The following INPP4B variants were observed in gnomAD, a reference collection of about 807,000 sequenced individuals.
INPP4B encodes inositol polyphosphate 4-phosphatase type II.
A neutral mutation model predicts 122.5 loss-of-function variants in INPP4B; 55 were observed. The ratio of observed to expected loss-of-function variants is 0.45; its 90% CI spans 0.36 to 0.56. The LOEUF is 0.56. Ranked by LOEUF, INPP4B falls within the 20% of genes least tolerant of loss-of-function variation. INPP4B has a pLI of 0.00. For synonymous variants in INPP4B, 403 were observed against 388.7 expected (o/e 1.04, Z -0.43); for missense variants, 1,000 against 1,097.7 (o/e 0.91, Z 1.26).
chr4:142,644,209 AT>A (rs1019235427), intron 2 of INPP4B, among the ~76,000 whole-genome samples: 9 of 150,908 alleles, frequency 6.0e-5, no homozygotes, highest in African/African-American at 1.2e-4. Context: ...CAAAAAAAAA[AT>A]AAAATAAAAT....
At chr4:142,785,890 C>A (rs1468316435) in intron 1 of INPP4B, among the ~76,000 whole-genome samples, 2 of 151,924 alleles carry the variant, frequency 1.3e-5, no homozygotes, top group African/African-American at 4.8e-5. Context: ...CAAAATAAAA[C>A]CAAAGACAGA....
At chr4:142,138,535 A>C (rs545598230) in intron 18 of INPP4B, among the ~76,000 whole-genome samples, 48 of 152,168 alleles carry the variant, frequency 3.2e-4, no homozygotes, top group African/African-American at 9.2e-4. Flanking sequence ...TTAGAGTATA[A>C]TAATAATAAA....
intron 2 of INPP4B, among the ~76,000 whole-genome samples, chr4:142,578,741 G>C (rs1734381673): frequency 6.6e-6 from 1 of 151,804 alleles, no homozygotes; most frequent in African/African-American, 2.4e-5. Flanking sequence ...ATATGAATGG[G>C]GGGACATATT....
intron 22 of INPP4B, among the ~76,000 whole-genome samples, chr4:142,109,905 T>A (rs142500445): frequency 1.3e-5 from 2 of 152,102 alleles, no homozygotes; most frequent in African/African-American, 2.4e-5. Flanking sequence ...TGGTATAAAC[T>A]CAGTGTTCAG....
chr4:142,192,572 A>G (rs1836473475), intron 15 of INPP4B, among the ~76,000 whole-genome samples: 2 of 152,110 alleles, frequency 1.3e-5, no homozygotes, highest in Admixed American at 1.3e-4. Context: ...GGGAAAGAGT[A>G]TATCAAAATT....
chr4:142,593,109 A>ATT (rs1560840485), intron 2 of INPP4B, among the ~76,000 whole-genome samples: 57 of 150,806 alleles, frequency 3.8e-4, no homozygotes, highest in African/African-American at 1.4e-3. Context: ...GTTTTTAAAA[A>ATT]AAAAAAAAAA....
intron 1 of INPP4B, among the ~76,000 whole-genome samples, chr4:142,779,569 TG>T (rs1271240811): frequency 6.6e-6 from 1 of 152,078 alleles, no homozygotes; most frequent in Non-Finnish European, 1.5e-5. Context: ...TGTACCAACA[TG>T]GTACACTGAG....
chr4:142,310,731 C>T (rs1765224965), intron 8 of INPP4B, among the ~76,000 whole-genome samples: 1 of 150,154 alleles, frequency 6.7e-6, no homozygotes, highest in African/African-American at 2.5e-5. Flanking sequence ...ATTTCCTACC[C>T]CATAGGAAGA....
intron 25 of INPP4B, among the ~76,000 whole-genome samples, chr4:142,064,249 A>T (rs1389556800): frequency 6.6e-6 from 1 of 152,236 alleles, no homozygotes; most frequent in Non-Finnish European, 1.5e-5. Context: ...CAGGAACCAC[A>T]TGATACATTA....
chr4:142,741,138 G>T (rs1205204250), intron 1 of INPP4B, among the ~76,000 whole-genome samples: 2 of 151,960 alleles, frequency 1.3e-5, no homozygotes, highest in Non-Finnish European at 1.5e-5. Flanking sequence ...AAATGTATTA[G>T]GCCATTCTTG....
At chr4:142,470,070 AT>A (rs1472838908) in intron 2 of INPP4B, among the ~76,000 whole-genome samples, 4 of 152,120 alleles carry the variant, frequency 2.6e-5, no homozygotes, top group Admixed American at 6.5e-5. Context: ...GGAATTGATA[AT>A]TTTCACACTT....
intron 2 of INPP4B, among the ~76,000 whole-genome samples, chr4:142,537,457 G>T (rs1187635839): frequency 8.4e-6 from 1 of 119,358 alleles, no homozygotes; most frequent in Non-Finnish European, 1.7e-5. Context: ...GAGAGAGAGA[G>T]AGAGAGAGAG....
intron 2 of INPP4B, among the ~76,000 whole-genome samples, chr4:142,609,307 A>G (rs1054790508): frequency 2.6e-5 from 4 of 152,050 alleles, no homozygotes; most frequent in Non-Finnish European, 5.9e-5. Flanking sequence ...GTTGCCTACT[A>G]ATTGCTGAGA....
intron 8 of INPP4B, chr4:142,306,086 T>C: frequency 4.1e-6 from 1 of 244,474 alleles, no homozygotes; most frequent in Non-Finnish European, 6.6e-6. Flanking sequence ...GACAATTTCA[T>C]TCTAATACAC....
At chr4:142,224,935 G>A (rs866603554) in intron 12 of INPP4B, among the ~76,000 whole-genome samples, 2 of 152,232 alleles carry the variant, frequency 1.3e-5, no homozygotes, top group Non-Finnish European at 1.5e-5. Context: ...AAACTCGACT[G>A]TGTTTTTTAT....
At chr4:142,403,280 G>T (rs1019200704) in intron 6 of INPP4B, among the ~76,000 whole-genome samples, 3 of 152,202 alleles carry the variant, frequency 2.0e-5, no homozygotes, top group Non-Finnish European at 4.4e-5. Flanking sequence ...CTGCATCATT[G>T]TCAGAGCTGC....
chr4:142,412,778 G>A (rs1441617253), intron 5 of INPP4B, among the ~76,000 whole-genome samples: 1 of 152,004 alleles, frequency 6.6e-6, no homozygotes, highest in East Asian at 1.9e-4. Flanking sequence ...GGGCAAGCCT[G>A]CTTTTTATAA....
chr4:142,830,849 A>C (rs1369566131), intron 1 of INPP4B, among the ~76,000 whole-genome samples: 1 of 84,422 alleles, frequency 1.2e-5, no homozygotes, highest in Non-Finnish European at 2.3e-5. Context: ...CGCTGTCTCT[A>C]CAAAAAAAAA....
In INPP4B at chr4:142,108,103, C is replaced by T. The variant is rs1578924089; in HGVS notation, c.2364G>A (p.Met788Ile). The T allele has an allele frequency of 4.7e-6, 7 of 1,500,516 alleles. No homozygotes were observed. Among genetic ancestry groups the T allele is most frequent in the Non-Finnish European group, 6.5e-6 (7 of 1,079,698 alleles). The allele number at this position is 1,500,516 out of a possible 1,614,324, so 93.0% of individuals were successfully genotyped here. Reference sequence around the variant, plus strand: ...AACTCACATACTTACAATCAGGAGGCATCTTTTCCATAAATATCTTGTAAT... The same window carrying T: ...AACTCACATACTTACAATCAGGAGGTATCTTTTCCATAAATATCTTGTAAT... The part of the protein sequence containing the change: ...QEYYKIFMEK[M>I]PPDYISHFQE... The change falls in exon 23 of 26, where the codon ATG (methionine) becomes ATA (isoleucine). Residue 788 changes from methionine (M) to isoleucine (I), a missense_variant. Met to Ile is a conservative substitution (Grantham distance 10, BLOSUM62 1). Coordinates refer to ENST00000262992, the MANE Select transcript of INPP4B (RefSeq NM_001101669.3).
Sources: gnomAD v4.1 joint callset for allele counts (sites outside exome capture counted in the v4.1 genomes callset) on GRCh38, gnomAD v4.1.1 for gene constraint, MANE v1.5 for transcripts, NCBI Gene and HGNC (gene_info 2026-07-23, HGNC 2026-07-21) for gene names.